Variants in HOMER1 observed in about 807,000 individuals in gnomAD.
HOMER1 encodes homer protein homolog 1.
Under a neutral mutation model 48.9 loss-of-function variants are expected in HOMER1, and 3 were observed. That is an observed-to-expected ratio of 0.06 (90% CI 0.03 to 0.16). The LOEUF (loss-of-function observed/expected upper bound fraction) is 0.16. Ranked by LOEUF, HOMER1 falls within the 10% of genes least tolerant of loss-of-function variation. HOMER1 has a pLI of 1.00. For synonymous variants in HOMER1, 134 were observed against 146.4 expected (o/e 0.92, Z 0.61); for missense variants, 247 against 411.4 (o/e 0.60, Z 3.46).
intron 8 of HOMER1, among the ~76,000 whole-genome samples, chr5:79,383,160 A>G (rs941454869): frequency 5.9e-5 from 9 of 152,200 alleles, no homozygotes; most frequent in African/African-American, 1.7e-4. Context: ...TAGAGAGATC[A>G]ATCCAGCAAG....
At chr5:79,480,776 A>T (rs1335445268) in intron 1 of HOMER1, among the ~76,000 whole-genome samples, 1 of 152,208 alleles carries the variant, frequency 6.6e-6, no homozygotes, top group African/African-American at 2.4e-5. Context: ...TCATTATCTT[A>T]TTCACTCCTT....
intron 1 of HOMER1, among the ~76,000 whole-genome samples, chr5:79,461,053 T>C (rs1751305138): frequency 6.6e-6 from 1 of 152,146 alleles, no homozygotes; most frequent in South Asian, 2.1e-4. Flanking sequence ...TTAAAAACAC[T>C]TGTTTGGAGC....
chr5:79,441,618 C>T (rs774713153), intron 4 of HOMER1, among the ~76,000 whole-genome samples: 1 of 151,924 alleles, frequency 6.6e-6, no homozygotes, highest in Non-Finnish European at 1.5e-5. Flanking sequence ...AAAAGCCCAC[C>T]CAAAGCATGG....
chr5:79,424,944 T>C (rs1362924846), intron 5 of HOMER1, among the ~76,000 whole-genome samples: 1 of 152,100 alleles, frequency 6.6e-6, no homozygotes. Context: ...CATTCTCTTC[T>C]TCCTCTACAT....
intron 8 of HOMER1, among the ~76,000 whole-genome samples, chr5:79,391,760 G>GA (rs1749260165): frequency 1.3e-5 from 2 of 150,216 alleles, no homozygotes; most frequent in Admixed American, 6.6e-5. Flanking sequence ...AAAAAGAAAA[G>GA]AAAAAGAAAC....
chr5:79,382,258 A>G (rs972681466), intron 8 of HOMER1, among the ~76,000 whole-genome samples: 34 of 152,222 alleles, frequency 2.2e-4, no homozygotes, highest in Admixed American at 2.2e-3. Flanking sequence ...GAAATACCAG[A>G]TGAAAACACC....
At chr5:79,465,416 T>C (rs1023884104) in intron 1 of HOMER1, among the ~76,000 whole-genome samples, 4 of 152,088 alleles carry the variant, frequency 2.6e-5, no homozygotes, top group Non-Finnish European at 4.4e-5. Context: ...TTAAAGGTTT[T>C]AAAAAATAAT....
At chr5:79,420,937 G>A (rs1036597160) in intron 5 of HOMER1, among the ~76,000 whole-genome samples, 1 of 152,268 alleles carries the variant, frequency 6.6e-6, no homozygotes, top group East Asian at 1.9e-4. Context: ...GCTTACATGT[G>A]TGTGCTCATG....
At chr5:79,418,357 G>A (rs1178785608) in intron 5 of HOMER1, among the ~76,000 whole-genome samples, 2 of 152,104 alleles carry the variant, frequency 1.3e-5, no homozygotes, top group African/African-American at 2.4e-5. Context: ...GATCGGCCTC[G>A]ATGGAAGCAA....
intron 8 of HOMER1, among the ~76,000 whole-genome samples, chr5:79,390,970 A>G (rs1446576734): frequency 6.6e-6 from 1 of 152,062 alleles, no homozygotes; most frequent in Admixed American, 6.5e-5. Context: ...TGAAACACAT[A>G]TATAAATAAA....
At chr5:79,395,437 ATGTT>A (rs1306908039) in intron 8 of HOMER1, among the ~76,000 whole-genome samples, 1 of 152,190 alleles carries the variant, frequency 6.6e-6, no homozygotes, top group Non-Finnish European at 1.5e-5. Flanking sequence ...AAAATAAAAA[ATGTT>A]TGCACACATT....
At chr5:79,493,584 G>C (rs1752345961) in intron 1 of HOMER1, among the ~76,000 whole-genome samples, 1 of 152,154 alleles carries the variant, frequency 6.6e-6, no homozygotes, top group Non-Finnish European at 1.5e-5. Flanking sequence ...AATTCCCTCA[G>C]TCTCCTTCTT....
At chr5:79,497,087 GAAA>G (rs1752445661) in intron 1 of HOMER1, among the ~76,000 whole-genome samples, 2 of 136,216 alleles carry the variant, frequency 1.5e-5, no homozygotes, top group African/African-American at 2.7e-5. Context: ...AAAAAGGAAA[GAAA>G]GAAAGAAAGA....
chr5:79,494,054 T>C (rs115955203), intron 1 of HOMER1, among the ~76,000 whole-genome samples: 3 of 152,344 alleles, frequency 2.0e-5, no homozygotes, highest in Non-Finnish European at 2.9e-5. Context: ...TCCTGGCTAC[T>C]ACTCATTTCT....
At chr5:79,389,700 T>C (rs1048331056) in intron 8 of HOMER1, among the ~76,000 whole-genome samples, 1 of 152,194 alleles carries the variant, frequency 6.6e-6, no homozygotes, top group Non-Finnish European at 1.5e-5. Flanking sequence ...TACCTTGACC[T>C]CGGCTTTCCA....
chr5:79,378,422 C>T (rs891799051), intron 8 of HOMER1, among the ~76,000 whole-genome samples: 2 of 151,542 alleles, frequency 1.3e-5, no homozygotes, highest in African/African-American at 4.9e-5. Flanking sequence ...AAACTATTGA[C>T]TGTTAGATGT....
chr5:79,411,152 G>C (rs1280888071), intron 5 of HOMER1, among the ~76,000 whole-genome samples: 1 of 152,136 alleles, frequency 6.6e-6, no homozygotes, highest in African/African-American at 2.4e-5. Flanking sequence ...CATTTGAAAG[G>C]TTCCTTAAAC....
chr5:79,379,104 AT>A lies in HOMER1; in HGVS notation c.877-2908del, dbSNP rs1748863349. ...CATATATATATATATATATATATAT[AT>A]ATATATATAAAATATATAAATATTT... On this transcript the variant is annotated intron_variant, in intron 8 of 8. Coordinates refer to ENST00000334082, the MANE Select transcript of HOMER1 (RefSeq NM_004272.5). 1.7e-4 allele frequency among the ~76,000 whole-genome samples: 10 copies of A among 59,370 alleles called. 2 individuals carry two copies. The highest frequency in any genetic ancestry group is 9.8e-4 in the African/African-American group (9 of 9,226). The allele number at this position is 59,370 out of a possible 152,430, so 38.9% of individuals were successfully genotyped here. A position where few individuals can be genotyped will look rare whatever the true frequency, so the allele number is the denominator to read the frequency against.
Position 79,456,955 on chromosome 5 carries a change from G to A in HOMER1, c.69C>T (p.Asn23=), listed in dbSNP as rs1751191686. Residue 23 remains asparagine (N), a synonymous_variant, in exon 2 of 9, where the codon AAC becomes AAT. Transcript: ENST00000334082. The part of the protein sequence containing the change: ...VFQIDPNTKK[N]WVPTSKHAVT... The stretch of plus-strand genomic sequence containing the variant: ...CTGCATGCTTGCTGGTGGGTACCCA[G>A]TTCTTCTTTGTGTTTGGGTCAATTT... 1 of 1,613,864 alleles carries A rather than the reference G, an allele frequency of 6.2e-7. No homozygotes were observed. Among genetic ancestry groups the A allele is most frequent in the Non-Finnish European group, 8.5e-7 (1 of 1,179,752 alleles).
Sources: gnomAD v4.1 joint callset for allele counts (sites outside exome capture counted in the v4.1 genomes callset) on GRCh38, gnomAD v4.1.1 for gene constraint, MANE v1.5 for transcripts, NCBI Gene and HGNC (gene_info 2026-07-23, HGNC 2026-07-21) for gene names.